Variants in DPP6 observed in about 807,000 individuals in gnomAD.
DPP6 encodes the protein A-type potassium channel modulatory protein DPP6.
A neutral mutation model predicts 122.6 loss-of-function variants in DPP6; 69 were observed. The observed-to-expected ratio is 0.56, with a 90% CI of 0.46 to 0.69. The LOEUF (loss-of-function observed/expected upper bound fraction) is 0.69. Among genes scored for constraint, DPP6 ranks in the 30% least tolerant of loss-of-function variants. DPP6 has a pLI of 0.00. For missense variants in DPP6, 928 were observed against 1,116.9 expected (o/e 0.83, Z 2.41); for synonymous variants, 418 against 433.1 (o/e 0.97, Z 0.43).
At chr7:154,144,669 G>GT (rs1459949920) in intron 1 of DPP6, among the ~76,000 whole-genome samples, 1 of 151,874 alleles carries the variant, frequency 6.6e-6, no homozygotes, top group Non-Finnish European at 1.5e-5. Flanking sequence ...CAAAATCCTT[G>GT]TTTTAGCCCT....
chr7:154,840,637 A>G (rs996330503), intron 16 of DPP6, among the ~76,000 whole-genome samples: 1 of 152,186 alleles, frequency 6.6e-6, no homozygotes, highest in African/African-American at 2.4e-5. Context: ...AACTGTTTTT[A>G]CGTTCCAGAC....
In DPP6 at chr7:154,175,587, A is replaced by G. The variant is rs1388531032; in HGVS notation, c.243+122524A>G. Among the ~76,000 whole-genome samples, 5 of 152,018 alleles carry G rather than the reference A, an allele frequency of 3.3e-5. No individual in the cohort carries two copies. In the East Asian group the frequency reaches 7.7e-4, roughly 24 times the overall value. On this transcript the variant is annotated intron_variant, in intron 1 of 25. Transcript: ENST00000377770. ...CTATGCTGGACCTGGGACCTATAGAACTATAGTGGGTGTTGCCTTAAGATG... is the reference window on the plus strand; with the variant it reads ...CTATGCTGGACCTGGGACCTATAGAGCTATAGTGGGTGTTGCCTTAAGATG...
intron 3 of DPP6, among the ~76,000 whole-genome samples, chr7:154,534,621 T>G (rs1828091574): frequency 6.6e-6 from 1 of 152,108 alleles, no homozygotes; most frequent in Non-Finnish European, 1.5e-5. Flanking sequence ...CCATTTACAA[T>G]GAAAAAATAT....
At chr7:153,874,281 G>GACAC in the DPP6 span, among the ~76,000 whole-genome samples, 1 of 106,518 alleles carries the variant, frequency 9.4e-6, no homozygotes, top group South Asian at 3.3e-4. Context: ...CACACACACA[G>GACAC]ACACACACAC....
chr7:154,758,338 T>G (rs1173832841), intron 8 of DPP6, among the ~76,000 whole-genome samples: 1 of 151,848 alleles, frequency 6.6e-6, no homozygotes, highest in Non-Finnish European at 1.5e-5. Context: ...CCCATTACAT[T>G]GAAATCTTTT....
intron 5 of DPP6, among the ~76,000 whole-genome samples, chr7:154,567,819 C>CT (rs917397057): frequency 1.3e-5 from 2 of 152,094 alleles, no homozygotes; most frequent in Admixed American, 1.3e-4. Flanking sequence ...GACAGTCAAG[C>CT]TTTTTGGTTT....
rs182900186 is a variant in DPP6, at chr7:154,381,166, T to G, written c.244-65048T>G. Among the ~76,000 whole-genome samples, 388 of 152,246 alleles carry G rather than the reference T, an allele frequency of 2.5e-3. 11 individuals carry two copies. Among genetic ancestry groups the G allele is most frequent in the Admixed American group, 0.024 (369 of 15,286 alleles). ...CATTTCCAGTGGGATCTCGTTGTACTTTCATACATGTCACTGCCGGACTCT... is the reference window on the plus strand; with the variant it reads ...CATTTCCAGTGGGATCTCGTTGTACGTTCATACATGTCACTGCCGGACTCT... On this transcript the variant is annotated intron_variant, in intron 1 of 25. Coordinates refer to ENST00000377770, the MANE Select transcript of DPP6 (RefSeq NM_130797.4).
chr7:154,253,870 T>G (rs1468076859), intron 1 of DPP6, among the ~76,000 whole-genome samples: 1 of 151,980 alleles, frequency 6.6e-6, no homozygotes, highest in Admixed American at 6.5e-5. Context: ...GGAAACACAA[T>G]TATGGTGGGA....
At chr7:154,221,444 C>T (rs558151908) in intron 1 of DPP6, among the ~76,000 whole-genome samples, 16 of 151,982 alleles carry the variant, frequency 1.1e-4, no homozygotes, top group Non-Finnish European at 1.3e-4. Flanking sequence ...CCCAGCCTAC[C>T]ACTGTGCTCG....
At chr7:154,125,694 C>A (rs558801966) in intron 1 of DPP6, among the ~76,000 whole-genome samples, 1 of 152,276 alleles carries the variant, frequency 6.6e-6, no homozygotes, top group Non-Finnish European at 1.5e-5. Flanking sequence ...GCTCCTTGGG[C>A]TTACGGATGA....
rs191047006 is a variant in DPP6, at chr7:154,795,173, C to T, written c.1261-672C>T. On this transcript the variant is annotated intron_variant, in intron 11 of 25. Coordinates refer to ENST00000377770, the MANE Select transcript of DPP6 (RefSeq NM_130797.4). ...CTCCAACTTCTCCATGCCCCTGAGCCTTGAGTGTCAGTGGCAAACACTGCT... is the reference window on the plus strand; with the variant it reads ...CTCCAACTTCTCCATGCCCCTGAGCTTTGAGTGTCAGTGGCAAACACTGCT... Among the ~76,000 whole-genome samples, 473 of 152,310 alleles carry T rather than the reference C, an allele frequency of 3.1e-3. 1 individual carries two copies. The highest frequency in any genetic ancestry group is 9.9e-3 in the African/African-American group (411 of 41,570).
intron 1 of DPP6, among the ~76,000 whole-genome samples, chr7:154,405,730 A>G (rs1006704367): frequency 6.6e-6 from 1 of 152,188 alleles, no homozygotes; most frequent in Non-Finnish European, 1.5e-5. Context: ...CAGGACTCAG[A>G]GGCTCTCAAA....
intron 5 of DPP6, among the ~76,000 whole-genome samples, chr7:154,630,159 T>C (rs1458354632): frequency 1.3e-5 from 2 of 152,198 alleles, no homozygotes; most frequent in African/African-American, 4.8e-5. Context: ...ACTCTAAAAC[T>C]GCCTAATAGT....
At chr7:154,442,323 ATAAAT>A (rs982040054) in intron 1 of DPP6, among the ~76,000 whole-genome samples, 1 of 152,200 alleles carries the variant, frequency 6.6e-6, no homozygotes, top group African/African-American at 2.4e-5. Flanking sequence ...TATTAAAGAG[ATAAAT>A]TAATAGTGGA....
Position 153,966,918 on chromosome 7 carries a change from T to C in DPP6, c.51+79184T>C, listed in dbSNP as rs117451616. ...CCCATCTCTACCAAAAATAGAAAAATGAGCTGAGCTTAGTGTCATCTGCCT... is the reference window on the plus strand; with the variant it reads ...CCCATCTCTACCAAAAATAGAAAAACGAGCTGAGCTTAGTGTCATCTGCCT... On this transcript the variant is annotated intron_variant, in intron 1 of 25. Coordinates refer to the DPP6 transcript ENST00000404039. 5.6e-4 allele frequency among the ~76,000 whole-genome samples: 85 copies of C among 151,216 alleles called. 2 individuals carry two copies. The East Asian group carries it at 0.013, about 24-fold the overall frequency.
chr7:154,561,323 A>G (rs980210402), intron 4 of DPP6, among the ~76,000 whole-genome samples: 8 of 152,242 alleles, frequency 5.3e-5, no homozygotes, highest in African/African-American at 1.9e-4. Flanking sequence ...CACGTGAAAC[A>G]TTCACCAGAG....
At chr7:154,878,742 G>A (rs985127729) in intron 20 of DPP6, among the ~76,000 whole-genome samples, 37 of 152,246 alleles carry the variant, frequency 2.4e-4, no homozygotes, top group Non-Finnish European at 3.8e-4. Flanking sequence ...GTGTAAACCC[G>A]ACTAGGGCCG....
chr7:154,026,027 G>A (rs1798940996), intron 1 of DPP6, among the ~76,000 whole-genome samples: 1 of 144,964 alleles, frequency 6.9e-6, no homozygotes, highest in Non-Finnish European at 1.5e-5. Flanking sequence ...GATGCCTTAG[G>A]CTTCAGCCCA....
intron 1 of DPP6, among the ~76,000 whole-genome samples, chr7:154,137,881 T>C (rs1276740226): frequency 6.6e-6 from 1 of 152,184 alleles, no homozygotes; most frequent in Non-Finnish European, 1.5e-5. Flanking sequence ...GCAAAATCAG[T>C]GTGGCTTCTT....
Sources: allele counts gnomAD v4.1 joint callset (sites outside exome capture counted in the v4.1 genomes callset), GRCh38; gene constraint gnomAD v4.1.1; transcripts MANE v1.5; gene names NCBI Gene and HGNC (gene_info 2026-07-23, HGNC 2026-07-21).